The following GSE1 variants were observed in gnomAD, a reference collection of about 807,000 sequenced individuals.
GSE1 encodes the protein Gse1 coiled-coil protein.
In GSE1, 32 loss-of-function variants were observed where a neutral mutation model predicts 112.6. The observed-to-expected ratio is 0.28, with a 90% CI of 0.21 to 0.38. The LOEUF (loss-of-function observed/expected upper bound fraction) is 0.38. Among genes scored for constraint, GSE1 ranks in the 10% least tolerant of loss-of-function variants. GSE1 has a pLI of 1.00. For synonymous variants in GSE1, 1,115 were observed against 735.6 expected, an observed-to-expected ratio of 1.52 and a Z score of -8.35; for missense variants, 2,348 against 1,699.2, an observed-to-expected ratio of 1.38 and a Z score of -6.71.
chr16:85,418,638 C>G (rs1176317742), intron 2 of GSE1, among the ~76,000 whole-genome samples: 3 of 152,170 alleles, frequency 2.0e-5, no homozygotes, highest in Admixed American at 6.5e-5. Context: ...GGGACAGGCA[C>G]CATCAAGAGG....
chr16:85,475,789 T>C (rs200241808), intron 2 of GSE1, among the ~76,000 whole-genome samples: 40,907 of 148,336 alleles, frequency 0.28, 5,800 homozygotes, highest in South Asian at 0.29. Context: ...TTTTTTTTTT[T>C]TTTTTTTTTT....
intron 2 of GSE1, among the ~76,000 whole-genome samples, chr16:85,514,372 C>G (rs1048286350): frequency 1.3e-5 from 2 of 150,628 alleles, no homozygotes; most frequent in African/African-American, 4.9e-5. Flanking sequence ...ACACCACCCC[C>G]CCATCCTTTG....
At chr16:85,332,865 G>A (rs1286040964) in intron 1 of GSE1, among the ~76,000 whole-genome samples, 4 of 152,006 alleles carry the variant, frequency 2.6e-5, no homozygotes, top group African/African-American at 9.7e-5. Flanking sequence ...CCGTGTGCTG[G>A]CCACCCAGGG....
At chr16:85,401,575 CTACCT>C (rs2048116692) in intron 2 of GSE1, among the ~76,000 whole-genome samples, 2 of 152,180 alleles carry the variant, frequency 1.3e-5, no homozygotes, top group Non-Finnish European at 1.5e-5. Context: ...CAGGGGACTT[CTACCT>C]GTGGGGCGGC....
chr16:85,183,772 C>G (rs2143342791), intron 1 of GSE1, among the ~76,000 whole-genome samples: 1 of 152,332 alleles, frequency 6.6e-6, no homozygotes, highest in East Asian at 1.9e-4. Flanking sequence ...CAGGCTGAGG[C>G]TCAGAGAGGT....
At chr16:85,671,170 A>G (rs935788902) in intron 15 of GSE1, 72 bp downstream of exon 15, 34 of 882,430 alleles carry the variant, frequency 3.9e-5, no homozygotes, top group South Asian at 7.0e-5. Context: ...ACCCATGCAG[A>G]TAAGTTTCAG....
intron 2 of GSE1, among the ~76,000 whole-genome samples, chr16:85,520,900 C>T (rs562244652): frequency 3.3e-5 from 5 of 152,292 alleles, no homozygotes; most frequent in African/African-American, 9.6e-5. Flanking sequence ...ACCAAGTGGG[C>T]CTGGTCCCGC....
At chr16:85,388,971 C>A (rs2047769730) in intron 2 of GSE1, among the ~76,000 whole-genome samples, 1 of 151,702 alleles carries the variant, frequency 6.6e-6, no homozygotes, top group Non-Finnish European at 1.5e-5. Context: ...GGGAATAGAT[C>A]ATGAAGGAAA....
chr16:85,214,652 C>T (rs2075279815), intron 1 of GSE1, among the ~76,000 whole-genome samples: 1 of 152,140 alleles, frequency 6.6e-6, no homozygotes, highest in Admixed American at 6.5e-5. Flanking sequence ...ACAGTAATAC[C>T]CGGGCCCTTC....
chr16:85,380,507 A>G (rs1381984443), intron 2 of GSE1, among the ~76,000 whole-genome samples: 1 of 69,184 alleles, frequency 1.4e-5, no homozygotes, highest in Non-Finnish European at 4.4e-5. Context: ...AGGTGGGAGG[A>G]CACCCCCCCT....
intron 1 of GSE1, among the ~76,000 whole-genome samples, chr16:85,276,151 C>T (rs2144220352): frequency 6.6e-6 from 1 of 152,378 alleles, no homozygotes; most frequent in Admixed American, 6.5e-5. Context: ...TGCCTAAGGT[C>T]ACACAGCTGG....
At chr16:85,235,582 G>A (rs1487520753) in intron 1 of GSE1, among the ~76,000 whole-genome samples, 2 of 149,900 alleles carry the variant, frequency 1.3e-5, no homozygotes, top group African/African-American at 2.4e-5. Context: ...TGGGTGGGGG[G>A]GGGGCGCGTG....
chr16:85,579,034 T>C (rs1171756473), intron 1 of GSE1, among the ~76,000 whole-genome samples: 2 of 152,310 alleles, frequency 1.3e-5, no homozygotes, highest in East Asian at 1.9e-4. Context: ...GCCACACCTC[T>C]CTGCAGGTCA....
intron 1 of GSE1, among the ~76,000 whole-genome samples, chr16:85,188,868 C>G (rs768576247): frequency 6.6e-6 from 1 of 151,882 alleles, no homozygotes; most frequent in Non-Finnish European, 1.5e-5. Context: ...ATCCTCATCA[C>G]TACCTCTGTT....
intron 2 of GSE1, among the ~76,000 whole-genome samples, chr16:85,635,970 G>T (rs1251633230): frequency 2.0e-5 from 3 of 152,252 alleles, no homozygotes; most frequent in Non-Finnish European, 4.4e-5. Context: ...CCTCTCCGCT[G>T]CCCCATGCTG....
rs1432861842 is a variant in GSE1, at chr16:85,228,106, C to T, written c.2283+56299C>T. On this transcript the variant is annotated intron_variant, in intron 1 of 2. Coordinates refer to the GSE1 transcript ENST00000637419. ...GGACGGGTGATCCAGGAGGAGGGAACAGCACGGGCAGAGGCCCCGAGGCAG... is the reference window on the plus strand; with the variant it reads ...GGACGGGTGATCCAGGAGGAGGGAATAGCACGGGCAGAGGCCCCGAGGCAG... Among the ~76,000 whole-genome samples, 3 of 152,166 alleles carry T rather than the reference C, an allele frequency of 2.0e-5. No homozygotes were observed. In the East Asian group the frequency reaches 5.8e-4, roughly 29 times the overall value.
At chr16:85,582,983 C>A (rs142084994) in intron 1 of GSE1, among the ~76,000 whole-genome samples, 3 of 152,182 alleles carry the variant, frequency 2.0e-5, no homozygotes, top group Non-Finnish European at 4.4e-5. Flanking sequence ...GCCACACATG[C>A]GTGCTTGAGC....
At chr16:85,663,879 GA>G (rs1202787603) in intron 11 of GSE1, among the ~76,000 whole-genome samples, 3 of 152,276 alleles carry the variant, frequency 2.0e-5, no homozygotes, top group Non-Finnish European at 4.4e-5. Context: ...CAGCGCCCGA[GA>G]AGGCGCTCTT....
intron 1 of GSE1, among the ~76,000 whole-genome samples, chr16:85,202,138 G>A (rs556983705): frequency 6.6e-6 from 1 of 152,350 alleles, no homozygotes; most frequent in Admixed American, 6.5e-5. Context: ...GCCCCCATCA[G>A]GGCCCGGGCG....
Sources: allele counts gnomAD v4.1 joint callset (sites outside exome capture counted in the v4.1 genomes callset), GRCh38; gene constraint gnomAD v4.1.1; transcripts MANE v1.5; gene names NCBI Gene and HGNC (gene_info 2026-07-23, HGNC 2026-07-21).